PPM1L: variants seen among roughly 807,000 people sequenced by gnomAD.
PPM1L encodes protein phosphatase 1L.
PPM1L carries 13 observed loss-of-function variants against 31.4 expected under a neutral mutation model. The observed-to-expected ratio is 0.41, with a 90% confidence interval of 0.27 to 0.66. The LOEUF (loss-of-function observed/expected upper bound fraction) is 0.66, where lower values mean the gene tolerates loss of function less well. Ranked by LOEUF, PPM1L falls within the 30% of genes least tolerant of loss-of-function variation. PPM1L has a pLI of 0.29. For missense variants in PPM1L, 326 were observed against 453.7 expected (o/e 0.72, Z 2.56); for synonymous variants, 184 against 175.4 (o/e 1.05, Z -0.39).
At chr3:161,017,104 G>A (rs1294645026) in intron 2 of PPM1L, among the ~76,000 whole-genome samples, 4 of 152,208 alleles carry the variant, frequency 2.6e-5, no homozygotes, top group South Asian at 2.1e-4. Flanking sequence ...CTTAGAAAGT[G>A]TAACTGTGGA....
chr3:160,830,443 C>T (rs182513935), intron 1 of PPM1L, among the ~76,000 whole-genome samples: 9 of 152,182 alleles, frequency 5.9e-5, no homozygotes, highest in African/African-American at 9.6e-5. Context: ...AGGTTAAAGC[C>T]GTGAAGGGAA....
chr3:161,004,659 T>C (rs1173420830), intron 2 of PPM1L, among the ~76,000 whole-genome samples: 1 of 149,642 alleles, frequency 6.7e-6, no homozygotes, highest in Non-Finnish European at 1.5e-5. Context: ...TGATGGTAGT[T>C]TGTATTTCTG....
At chr3:160,783,985 C>A (rs1254789831) in intron 1 of PPM1L, among the ~76,000 whole-genome samples, 1 of 152,124 alleles carries the variant, frequency 6.6e-6, no homozygotes, top group African/African-American at 2.4e-5. Flanking sequence ...TTACAAGTAT[C>A]TAAAAAGAAT....
At chr3:160,936,128 T>C (rs536514096) in intron 1 of PPM1L, among the ~76,000 whole-genome samples, 30 of 152,072 alleles carry the variant, frequency 2.0e-4, no homozygotes, top group African/African-American at 5.3e-4. Flanking sequence ...ATTTTTTTTT[T>C]CCCCAGGCTG....
intron 1 of PPM1L, among the ~76,000 whole-genome samples, chr3:160,784,942 T>C (rs1711860264): frequency 6.6e-6 from 1 of 152,226 alleles, no homozygotes; most frequent in South Asian, 2.1e-4. Context: ...GGAAAGAGTA[T>C]GTCAGGAAAC....
intron 1 of PPM1L, among the ~76,000 whole-genome samples, chr3:160,865,023 A>G (rs12492000): frequency 0.093 from 14,205 of 152,176 alleles, 960 homozygotes; most frequent in African/African-American, 0.18. Context: ...AAAACAAGAA[A>G]TGGTTTTTGA....
At chr3:160,905,614 T>C (rs1227958095) in intron 1 of PPM1L, among the ~76,000 whole-genome samples, 1 of 152,142 alleles carries the variant, frequency 6.6e-6, no homozygotes, top group African/African-American at 2.4e-5. Flanking sequence ...AAGTGCCTTG[T>C]TTTAAGCGAT....
intron 1 of PPM1L, among the ~76,000 whole-genome samples, chr3:160,835,047 T>TTCCTCC (rs879762612): frequency 4.1e-5 from 6 of 146,090 alleles, no homozygotes; most frequent in African/African-American, 1.5e-4. Flanking sequence ...CTACTTCTTC[T>TTCCTCC]TCTTCTTCTT....
chr3:160,922,371 A>G (rs1230473261), intron 1 of PPM1L, among the ~76,000 whole-genome samples: 1 of 152,214 alleles, frequency 6.6e-6, no homozygotes, highest in East Asian at 1.9e-4. Flanking sequence ...TGATGATAGT[A>G]GAACCCATTT....
At chr3:160,920,615 T>TCTCTCTCTCTCACACA (rs1389629070) in intron 1 of PPM1L, among the ~76,000 whole-genome samples, 4 of 28,662 alleles carry the variant, frequency 1.4e-4, no homozygotes, top group Non-Finnish European at 2.9e-4. Context: ...TCTCTCTCTC[T>TCTCTCTCTCTCACACA]CACACACACA....
At chr3:160,946,307 C>G (rs76212995) in intron 1 of PPM1L, among the ~76,000 whole-genome samples, 7,172 of 152,212 alleles carry the variant, frequency 0.047, 430 homozygotes, top group African/African-American at 0.12. Context: ...CATTGATAAT[C>G]ATACCTACCT....
At chr3:160,799,127 T>C (rs1712347548) in intron 1 of PPM1L, among the ~76,000 whole-genome samples, 1 of 152,238 alleles carries the variant, frequency 6.6e-6, no homozygotes, top group African/African-American at 2.4e-5. Flanking sequence ...ATGGGATCTA[T>C]CCTGGTGAAG....
chr3:160,757,350 A>G (rs1714838369), intron 1 of PPM1L, among the ~76,000 whole-genome samples: 1 of 152,248 alleles, frequency 6.6e-6, no homozygotes, highest in African/African-American at 2.4e-5. Context: ...CGGGACCTAG[A>G]TGTCCCTGGC....
At chr3:160,866,488 G>T (rs557914033) in intron 1 of PPM1L, among the ~76,000 whole-genome samples, 67 of 152,138 alleles carry the variant, frequency 4.4e-4, no homozygotes, top group Admixed American at 7.2e-4. Flanking sequence ...CAACATTTAG[G>T]AACTTAATTC....
intron 2 of PPM1L, among the ~76,000 whole-genome samples, chr3:160,984,478 T>TA (rs1224762434): frequency 6.6e-6 from 1 of 152,146 alleles, no homozygotes; most frequent in African/African-American, 2.4e-5. Context: ...TTTGTGCAGT[T>TA]AACACAATCA....
At position 160,756,867 on chromosome 3, in the gene PPM1L, G is replaced by T. The variant is rs1714823804; in HGVS notation, c.399+160G>T. 6.6e-6 allele frequency among the ~76,000 whole-genome samples: 1 copy of T among 151,836 alleles called. No homozygotes were observed. The highest frequency in any genetic ancestry group is 1.5e-5 in the Non-Finnish European group (1 of 67,976). On this transcript the variant is annotated intron_variant, in intron 1 of 3. Coordinates refer to ENST00000498165, the MANE Select transcript of PPM1L (RefSeq NM_139245.4). The surrounding 1 kb of genome is among the most constrained non-coding windows in gnomAD (Gnocchi z 6.2). ...GCGTGGTGATGACACCACGGTGCCT[G>T]GCTGGACAAATGCGGCTCAAGTTGC...
At chr3:160,786,918 G>A (rs1010872190) in intron 1 of PPM1L, among the ~76,000 whole-genome samples, 7 of 152,096 alleles carry the variant, frequency 4.6e-5, no homozygotes, top group African/African-American at 1.4e-4. Flanking sequence ...TTGCCGCAAA[G>A]GACATGATTT....
chr3:160,919,240 C>G (rs1454081406), intron 1 of PPM1L, among the ~76,000 whole-genome samples: 3 of 152,190 alleles, frequency 2.0e-5, no homozygotes, highest in Admixed American at 2.0e-4. Flanking sequence ...CAAGCCTTTT[C>G]TGAGAGATTC....
At chr3:160,936,478 T>C (rs1182724413) in intron 1 of PPM1L, among the ~76,000 whole-genome samples, 1 of 152,218 alleles carries the variant, frequency 6.6e-6, no homozygotes, top group African/African-American at 2.4e-5. Flanking sequence ...TTGTGAAGAA[T>C]GTATGCAACA....
Sources: allele counts gnomAD v4.1 joint callset (sites outside exome capture counted in the v4.1 genomes callset), GRCh38; gene constraint gnomAD v4.1.1; non-coding constraint Gnocchi (gnomAD v3.1); transcripts MANE v1.5; gene names NCBI Gene and HGNC (gene_info 2026-07-23, HGNC 2026-07-21).